SGMS2: variants seen among roughly 807,000 people sequenced by gnomAD.
SGMS2 encodes the protein phosphatidylcholine:ceramide cholinephosphotransferase 2.
A neutral mutation model predicts 43.8 loss-of-function variants in SGMS2; 21 were observed. That is an observed-to-expected ratio of 0.48 (90% confidence interval 0.34 to 0.69). The LOEUF (loss-of-function observed/expected upper bound fraction) is 0.69, where lower values mean the gene tolerates loss of function less well. Ranked by LOEUF, SGMS2 falls within the 30% of genes least tolerant of loss-of-function variation. The pLI, the probability that SGMS2 is intolerant of heterozygous loss-of-function variation, is 0.01. For missense variants in SGMS2, 384 were observed against 443.2 expected (o/e 0.87, Z 1.20); for synonymous variants, 167 against 160.6 (o/e 1.04, Z -0.30).
At position 107,912,371 on chromosome 4, in the gene SGMS2, C is replaced by T. The variant is rs1732177759; in HGVS notation, c.*1818C>T. 6.6e-6 allele frequency: 1 copy of T among 152,112 alleles called. No homozygotes were observed. Among genetic ancestry groups the T allele is most frequent in the South Asian group, 2.1e-4 (1 of 4,830 alleles). The allele number at this position is 152,112 out of a possible 1,614,324, so 9.4% of individuals were successfully genotyped here. A position where few individuals can be genotyped will look rare whatever the true frequency, so the allele number is the denominator to read the frequency against. On this transcript the variant is annotated 3_prime_UTR_variant, in exon 7 of 7. Coordinates refer to ENST00000690982, the MANE Select transcript of SGMS2 (RefSeq NM_001375905.1). The stretch of plus-strand genomic sequence containing the variant: ...TTTCTAGTATTTCTTATTAAATACA[C>T]CAATAATAAACATATACTTAGTTTA...
In SGMS2 at chr4:107,910,640, T is replaced by C. The variant is rs990696238; in HGVS notation, c.*87T>C. 4.6e-6 allele frequency: 6 copies of C among 1,309,570 alleles called. No individual in the cohort carries two copies. In the Middle Eastern group the frequency reaches 1.0e-3, roughly 223 times the overall value. The allele number at this position is 1,309,570 out of a possible 1,614,324, so 81.1% of individuals were successfully genotyped here. On this transcript the variant is annotated 3_prime_UTR_variant, in exon 7 of 7. Coordinates refer to ENST00000690982, the MANE Select transcript of SGMS2 (RefSeq NM_001375905.1). ...GTTTTGTTTTTTATTTTAGGAGAACTGACTGGTAAATGAAGAAATGGACCA... is the reference window on the plus strand; with the variant it reads ...GTTTTGTTTTTTATTTTAGGAGAACCGACTGGTAAATGAAGAAATGGACCA...
intron 6 of SGMS2, 65 bp downstream of exon 6, chr4:107,908,796 G>T: frequency 1.4e-6 from 2 of 1,480,176 alleles, no homozygotes; most frequent in Non-Finnish European, 1.9e-6. Flanking sequence ...TTTTCATGTC[G>T]TGGGGTTTTA....
At position 107,895,539 on chromosome 4, in the gene SGMS2, G is replaced by A. The variant is rs553158004; in HGVS notation, c.-15G>A. 2.5e-6 allele frequency: 4 copies of A among 1,590,514 alleles called. No individual in the cohort carries two copies. The highest frequency in any genetic ancestry group is 4.5e-5 in the East Asian group (2 of 44,576). On this transcript the variant is annotated 5_prime_UTR_variant, in exon 3 of 7. Transcript: ENST00000690982. ...AACTTGACCATCTCCTTTTTGATCT[G>A]AAGACTAGGGGACAATGGATATCAT...
At chr4:107,834,849 C>T (rs985905267) in intron 1 of SGMS2, among the ~76,000 whole-genome samples, 1 of 152,082 alleles carries the variant, frequency 6.6e-6, no homozygotes, top group Admixed American at 6.6e-5. Context: ...CCAGTCTGGG[C>T]AACATAGCCA....
At chr4:107,865,066 A>T (rs562966832) in intron 2 of SGMS2, among the ~76,000 whole-genome samples, 1 of 152,250 alleles carries the variant, frequency 6.6e-6, no homozygotes, top group African/African-American at 2.4e-5. Flanking sequence ...TTTCAAAAAC[A>T]GCCATAAATA....
intron 4 of SGMS2, among the ~76,000 whole-genome samples, chr4:107,902,809 C>CTAA (rs1475609079): frequency 1.3e-5 from 2 of 152,000 alleles, no homozygotes; most frequent in African/African-American, 2.4e-5. Flanking sequence ...GGCTGCCCAC[C>CTAA]TAATACAAGA....
rs746358465 is a variant in SGMS2, at chr4:107,911,438, T to G, written c.*885T>G. On this transcript the variant is annotated 3_prime_UTR_variant, in exon 7 of 7. Transcript: ENST00000690982. ...GTGTGTCAACTGAGGTTCACACCACTTGGGGAATGAGCCTGTTTTCTTTCC... is the reference window on the plus strand; with the variant it reads ...GTGTGTCAACTGAGGTTCACACCACGTGGGGAATGAGCCTGTTTTCTTTCC... 1.3e-5 allele frequency: 2 copies of G among 152,204 alleles called. No homozygotes were observed. The highest frequency in any genetic ancestry group is 1.3e-4 in the Admixed American group (2 of 15,276). The allele number at this position is 152,204 out of a possible 1,614,324, so 9.4% of individuals were successfully genotyped here.
chr4:107,886,806 A>G (rs1259936700), intron 2 of SGMS2: 1 of 152,146 alleles, frequency 6.6e-6, no homozygotes, highest in African/African-American at 2.4e-5. Flanking sequence ...TGGTAAAATA[A>G]CCAGTTTCTC....
chr4:107,881,141 C>T (rs1560656875), intron 2 of SGMS2, among the ~76,000 whole-genome samples: 1 of 151,362 alleles, frequency 6.6e-6, no homozygotes, highest in Admixed American at 6.6e-5. Flanking sequence ...TTGATTTTTA[C>T]AAAATTATAA....
chr4:107,893,071 T>C (rs1385492317), intron 2 of SGMS2: 1 of 152,174 alleles, frequency 6.6e-6, no homozygotes, highest in African/African-American at 2.4e-5. Context: ...ACTCACATAG[T>C]GTTCTTACTC....
intron 2 of SGMS2, among the ~76,000 whole-genome samples, chr4:107,877,453 G>A (rs1728993611): frequency 6.6e-6 from 1 of 152,150 alleles, no homozygotes; most frequent in Non-Finnish European, 1.5e-5. Flanking sequence ...GGAAAGCTAG[G>A]AATGTAGAAG....
chr4:107,893,988 C>T (rs192376242), intron 2 of SGMS2, among the ~76,000 whole-genome samples: 7 of 152,232 alleles, frequency 4.6e-5, no homozygotes, highest in Admixed American at 4.6e-4. Context: ...TTTAATTTGC[C>T]CTACATAGCC....
At chr4:107,862,403 G>C (rs1028355835) in intron 2 of SGMS2, among the ~76,000 whole-genome samples, 3 of 152,138 alleles carry the variant, frequency 2.0e-5, no homozygotes, top group African/African-American at 7.2e-5. Context: ...ATCAATTCTT[G>C]TTATCAAAGA....
chr4:107,851,201 G>A (rs1428862247), intron 1 of SGMS2, among the ~76,000 whole-genome samples: 1 of 152,108 alleles, frequency 6.6e-6, no homozygotes, highest in African/African-American at 2.4e-5. Flanking sequence ...GGAAGTCTAC[G>A]GTGCATGCCA....
At chr4:107,865,175 AC>A (rs1230035938) in intron 2 of SGMS2, among the ~76,000 whole-genome samples, 1 of 152,222 alleles carries the variant, frequency 6.6e-6, no homozygotes, top group Non-Finnish European at 1.5e-5. Flanking sequence ...GTTTTAATGA[AC>A]AAAGTTCTAA....
chr4:107,868,582 G>A (rs563737453), intron 2 of SGMS2, among the ~76,000 whole-genome samples: 1 of 152,232 alleles, frequency 6.6e-6, no homozygotes, highest in East Asian at 1.9e-4. Context: ...GCTGGGCGTT[G>A]TGGTGGGCGC....
chr4:107,840,593 G>A (rs1218549474), intron 1 of SGMS2, among the ~76,000 whole-genome samples: 2 of 152,014 alleles, frequency 1.3e-5, no homozygotes, highest in African/African-American at 4.8e-5. Flanking sequence ...CACAGTAAGA[G>A]GTAAAAAGTT....
intron 1 of SGMS2, among the ~76,000 whole-genome samples, chr4:107,853,571 C>T (rs1727270308): frequency 6.6e-6 from 1 of 152,168 alleles, no homozygotes; most frequent in Non-Finnish European, 1.5e-5. Flanking sequence ...ACTCCCTCCC[C>T]TTATAAGATT....
At chr4:107,844,438 A>G (rs1726696628) in intron 1 of SGMS2, among the ~76,000 whole-genome samples, 1 of 151,932 alleles carries the variant, frequency 6.6e-6, no homozygotes, top group Admixed American at 6.6e-5. Flanking sequence ...ATGGTGGCTC[A>G]CACCTGTAAC....
Sources: allele counts gnomAD v4.1 joint callset (sites outside exome capture counted in the v4.1 genomes callset), GRCh38; gene constraint gnomAD v4.1.1; transcripts MANE v1.5; gene names NCBI Gene and HGNC (gene_info 2026-07-23, HGNC 2026-07-21).